DYNC1H1: variants seen among roughly 807,000 people sequenced by gnomAD.
DYNC1H1 encodes dynein cytoplasmic 1 heavy chain 1.
A neutral mutation model predicts 527.1 loss-of-function variants in DYNC1H1; 51 were observed. That is an observed-to-expected ratio of 0.10 (90% CI 0.08 to 0.12). The LOEUF (loss-of-function observed/expected upper bound fraction) is 0.12, where lower values mean the gene tolerates loss of function less well. Among genes scored for constraint, DYNC1H1 ranks in the 10% least tolerant of loss-of-function variants. The pLI, the probability that DYNC1H1 is intolerant of heterozygous loss-of-function variation, is 1.00. For synonymous variants in DYNC1H1, 2,189 were observed against 2,278.8 expected (o/e 0.96, Z 1.12); for missense variants, 2,771 against 5,971.8 (o/e 0.46, Z 17.66).
chr14:102,048,663 G>T lies in DYNC1H1; in HGVS notation c.13366G>T (p.Val4456Leu). The stretch of plus-strand genomic sequence containing the variant: ...CTTGCGCACGCTGATCAACGAGCTA[G>T]TGAAAGGTGCGTGAGAGGCCGAACT... ...NYLRTLINEL[V>L]KGILPRSWSH... Residue 4456 changes from valine (V) to leucine (L), a missense_variant, in exon 74 of 78, where the codon GTG (valine) becomes TTG (leucine). This residue lies in a region of DYNC1H1 where 170 missense variants were observed against 249.8 expected (regional missense o/e 0.68). Coordinates refer to ENST00000360184, the MANE Select transcript of DYNC1H1 (RefSeq NM_001376.5). 6.2e-7 allele frequency: 1 copy of T among 1,613,184 alleles called. No homozygotes were observed. Among genetic ancestry groups the T allele is most frequent in the Non-Finnish European group, 8.5e-7 (1 of 1,180,014 alleles).
rs17541006 is a variant in DYNC1H1 at position 102,002,460 on chromosome 14, C to T, written c.4543-77C>T. The T allele has an allele frequency of 0.021, 33,870 of 1,578,498 alleles. 460 individuals are homozygous for T. Among genetic ancestry groups the T allele is most frequent in the Non-Finnish European group, 0.025 (29,227 of 1,149,676 alleles). On this transcript the variant is annotated intron_variant, in intron 21 of 77. Coordinates refer to ENST00000360184, the MANE Select transcript of DYNC1H1 (RefSeq NM_001376.5). This position sits in a 1 kb window ranked among gnomAD's most constrained non-coding sequence, Gnocchi z 4.4. ...GATTACTTCATGAGATCCTGATCTG[C>T]GCTTTTTCAGTGAGTTTTGGCATAT...
rs3830916 is a variant in DYNC1H1, at chr14:102,030,057, A to AGT, written c.9763-86_9763-85dup. On this transcript the variant is annotated intron_variant, in intron 50 of 77. Transcript: ENST00000360184. ...TAGAGAGAGGGAGGGAGGGAGAGAG[A>AGT]GTGTGTGTGTGTGTGTGTGTTGGCA... 5,715 of 1,517,292 alleles carry AGT rather than the reference A, an allele frequency of 3.8e-3. 17 individuals carry two copies. Among genetic ancestry groups the AGT allele is most frequent in the African/African-American group, 0.027 (1,962 of 72,506 alleles). The allele number at this position is 1,517,292 out of a possible 1,614,324, so 94.0% of individuals were successfully genotyped here. A position where few individuals can be genotyped will look rare whatever the true frequency, so the allele number is the denominator to read the frequency against.
rs1004903 is a variant in DYNC1H1 at position 102,048,678 on chromosome 14, G to A, written c.13372+9G>A. Reference sequence around the variant, plus strand: ...CAACGAGCTAGTGAAAGGTGCGTGAGAGGCCGAACTCGTGGTGTGGCTTCC... The same window carrying A: ...CAACGAGCTAGTGAAAGGTGCGTGAAAGGCCGAACTCGTGGTGTGGCTTCC... On this transcript the variant is annotated intron_variant, in intron 74 of 77. Coordinates refer to ENST00000360184, the MANE Select transcript of DYNC1H1 (RefSeq NM_001376.5). The A allele has an allele frequency of 0.2, 330,358 of 1,611,846 alleles. 38,627 individuals are homozygous for A. Among genetic ancestry groups the A allele is most frequent in the African/African-American group, 0.53 (39,366 of 74,876 alleles).
rs1060502206 is a variant in DYNC1H1, at chr14:101,994,247, C to T, written c.3079C>T (p.Pro1027Ser). Residue 1027 changes from proline to serine, a missense_variant, in exon 12 of 78, where the codon CCT becomes TCT. Coordinates refer to ENST00000360184, the MANE Select transcript of DYNC1H1 (RefSeq NM_001376.5). ...KFYRNALTRM[P>S]DGPVALEESY... ...CTATCGGAATGCTTTAACACGGATG[C>T]CTGATGGCCCTGTTGCCCTGGAAGA... is the stretch of plus-strand genomic sequence containing the variant. 22 of 1,614,058 alleles carry T rather than the reference C, an allele frequency of 1.4e-5. No individual in the cohort carries two copies. The highest frequency in any genetic ancestry group is 3.3e-5 in the Admixed American group (2 of 59,988).
rs980985256 is a variant in DYNC1H1 at position 102,020,131 on chromosome 14, T to C, written c.8507+75T>C. ...TCTTACAGCTGTCGAAGCTGGGGTC[T>C]TTGCAGGGGTGGTCTGCCTAAGTTA... On this transcript the variant is annotated intron_variant, in intron 42 of 77. Coordinates refer to ENST00000360184, the MANE Select transcript of DYNC1H1 (RefSeq NM_001376.5). This position sits in a 1 kb window ranked among gnomAD's most constrained non-coding sequence, Gnocchi z 4.3. 1.9e-6 allele frequency: 3 copies of C among 1,572,080 alleles called. No homozygotes were observed. The highest frequency in any genetic ancestry group is 2.6e-6 in the Non-Finnish European group (3 of 1,157,050).
intron 11 of DYNC1H1, among the ~76,000 whole-genome samples, chr14:101,992,444 A>G (rs1219724517): frequency 6.6e-6 from 1 of 152,080 alleles, no homozygotes; most frequent in Non-Finnish European, 1.5e-5. Flanking sequence ...CCTTAGCATC[A>G]TTCTCATCAT....
Position 102,049,951 on chromosome 14 carries a change from C to G in DYNC1H1, c.13684+69C>G. The G allele has an allele frequency of 6.2e-7, 1 of 1,613,502 alleles. No individual in the cohort carries two copies. ...CTCGGTGGCCTGAGACCATTGTTCC[C>G]AGATACATGCACTTAGGGTGACCGG... On this transcript the variant is annotated intron_variant, in intron 76 of 77. Transcript: ENST00000360184. This position sits in a 1 kb window ranked among gnomAD's most constrained non-coding sequence, Gnocchi z 5.5.
chr14:102,052,863 T>C lies in DYNC1H1; in HGVS notation c.*2300T>C, dbSNP rs2048829957. The C allele has an allele frequency of 6.6e-6, 1 of 152,230 alleles. No homozygotes were observed. Among genetic ancestry groups the C allele is most frequent in the Non-Finnish European group, 1.5e-5 (1 of 68,040 alleles). The allele number at this position is 152,230 out of a possible 1,614,324, so 9.4% of individuals were successfully genotyped here. On this transcript the variant is annotated 3_prime_UTR_variant, in exon 78 of 78. Transcript: ENST00000360184. ...GGGTTTTTTGTGACAGGGCGTCTAC[T>C]ATATGAACTTCCTCTGGACTCTGAC...
At position 102,016,145 on chromosome 14, in the gene DYNC1H1, G is replaced by A. The variant is rs1595617320; in HGVS notation, c.7473+59G>A. The A allele has an allele frequency of 6.4e-7, 1 of 1,551,672 alleles. No individual in the cohort carries two copies. Among genetic ancestry groups the A allele is most frequent in the African/African-American group, 1.4e-5 (1 of 73,172 alleles). On this transcript the variant is annotated intron_variant, in intron 36 of 77. Transcript: ENST00000360184. The surrounding 1 kb of genome is among the most constrained non-coding windows in gnomAD (Gnocchi z 7.3). ...CACTGCGCCAGACCACAGGTCTGAG[G>A]ACCTCTGAAATGCTGCACCTGTGGG...
rs2048876678 is a variant in DYNC1H1 at position 102,056,297 on chromosome 14, A to T, written c.*5734A>T. The stretch of plus-strand genomic sequence containing the variant: ...GAAACCCCTGTCACGTATCCCCCAG[A>T]CTGCTCAATCAATCACGACCCTTTC... On this transcript the variant is annotated 3_prime_UTR_variant, in exon 78 of 78. Transcript: ENST00000360184. 6.6e-6 allele frequency: 1 copy of T among 152,230 alleles called. No individual in the cohort carries two copies. Among genetic ancestry groups the T allele is most frequent in the South Asian group, 2.1e-4 (1 of 4,828 alleles). 9.4% of individuals were successfully genotyped at this position (152,230 alleles called of 1,614,324 possible).
chr14:101,977,908 A>G (rs1212298716), intron 2 of DYNC1H1, among the ~76,000 whole-genome samples: 2 of 151,788 alleles, frequency 1.3e-5, no homozygotes, highest in East Asian at 1.9e-4. Flanking sequence ...TTATTTTGAG[A>G]TGGAGTCTCA....
At position 102,039,110 on chromosome 14, in the gene DYNC1H1, C is replaced by T; in HGVS notation, c.11316C>T (p.Asn3772=). ...ACACGATCATAACCACTCTGGAGAACCTGAAGAGAGAGGCTGCAGAGGTCA... is the reference window on the plus strand; with the variant it reads ...ACACGATCATAACCACTCTGGAGAATCTGAAGAGAGAGGCTGCAGAGGTCA... ...DDDTIITTLE[N]LKREAAEVTR... is the part of the protein sequence containing the mutation. The change falls in exon 60 of 78, where the codon AAC becomes AAT. Residue 3772 remains asparagine, a synonymous_variant. Transcript: ENST00000360184. This position sits in a 1 kb window ranked among gnomAD's most constrained non-coding sequence, Gnocchi z 7.0. 1.2e-6 allele frequency: 2 copies of T among 1,614,182 alleles called. No homozygotes were observed. Among genetic ancestry groups the T allele is most frequent in the Non-Finnish European group, 1.7e-6 (2 of 1,180,030 alleles).
In DYNC1H1 at chr14:101,986,636, T is replaced by C. The variant is rs762024019; in HGVS notation, c.2411T>C (p.Leu804Ser). ...KVEERNTISL[L>S]VAGLKKEVQA... ...GAGGAGCGGAACACCATTTCCCTTT[T>C]GGTGGCTGGCTTGAAAAAGGAAGTG... The change falls in exon 8 of 78, where the codon TTG becomes TCG. Residue 804 changes from leucine (L) to serine (S), a missense_variant. By Grantham distance (145) the Leu-to-Ser change is moderately radical (BLOSUM62 -2). Around this residue, in one of 32 missense-constraint regions of DYNC1H1, gnomAD observed 24 missense variants for 19.0 expected, o/e 1.26. Coordinates refer to ENST00000360184, the MANE Select transcript of DYNC1H1 (RefSeq NM_001376.5). The surrounding 1 kb of genome is among the most constrained non-coding windows in gnomAD (Gnocchi z 8.7). 1 of 1,613,034 alleles carries C rather than the reference T, an allele frequency of 6.2e-7. No individual in the cohort carries two copies. The highest frequency in any genetic ancestry group is 8.5e-7 in the Non-Finnish European group (1 of 1,179,082).
chr14:102,049,801 T>C lies in DYNC1H1; in HGVS notation c.13603T>C (p.Ser4535Pro). 6.2e-7 allele frequency: 1 copy of C among 1,613,828 alleles called. No homozygotes were observed. The highest frequency in any genetic ancestry group is 8.5e-7 in the Non-Finnish European group (1 of 1,180,018). Residue 4535 changes from serine to proline, a missense_variant, in exon 76 of 78, where the codon TCC (serine) becomes CCC (proline). Ser to Pro is a moderately conservative substitution (Grantham distance 74). Transcript: ENST00000360184. This position sits in a 1 kb window ranked among gnomAD's most constrained non-coding sequence, Gnocchi z 5.5. ...GTATGTGGCCCAGGCCAACAGCTGG[T>C]CCCTGGAGGAGCTCTGCCTGGAAGT... ...RQYVAQANSW[S>P]LEELCLEVNV... is the part of the protein sequence containing the mutation.
In DYNC1H1 at chr14:102,015,043, T is replaced by A. The variant is rs905652929; in HGVS notation, c.7015-62T>A. ...TTCAGTGTATATATAGGTAAAAGAA[T>A]CTTAATGTCCAGGTTTCTTCCAAAC... On this transcript the variant is annotated intron_variant, in intron 34 of 77. Coordinates refer to ENST00000360184, the MANE Select transcript of DYNC1H1 (RefSeq NM_001376.5). This position sits in a 1 kb window ranked among gnomAD's most constrained non-coding sequence, Gnocchi z 6.9. The A allele has an allele frequency of 6.3e-7, 1 of 1,584,688 alleles. No individual in the cohort carries two copies. The highest frequency in any genetic ancestry group is 1.3e-5 in the African/African-American group (1 of 74,376).
chr14:102,005,388 C>A lies in DYNC1H1; in HGVS notation c.5433+152C>A. 9.3e-7 allele frequency: 1 copy of A among 1,076,538 alleles called. No homozygotes were observed. Among genetic ancestry groups the A allele is most frequent in the Non-Finnish European group, 1.4e-6 (1 of 707,310 alleles). The allele number at this position is 1,076,538 out of a possible 1,614,324, so 66.7% of individuals were successfully genotyped here. ...ATATCCTCTGAGGGTGGGCATTTGG[C>A]TCCCTGTCCCTGTTGAAAGGTAATC... On this transcript the variant is annotated intron_variant, in intron 26 of 77. Transcript: ENST00000360184. This position sits in a 1 kb window ranked among gnomAD's most constrained non-coding sequence, Gnocchi z 4.0.
intron 11 of DYNC1H1, among the ~76,000 whole-genome samples, chr14:101,992,687 C>T (rs2048011446): frequency 6.6e-6 from 1 of 152,166 alleles, no homozygotes; most frequent in Admixed American, 6.5e-5. Flanking sequence ...CAGCCTCCTC[C>T]AGCACTGCTC....
In DYNC1H1 at chr14:102,006,865, G is replaced by A. The variant is rs989926290; in HGVS notation, c.5717-143G>A. On this transcript the variant is annotated intron_variant, in intron 27 of 77. Transcript: ENST00000360184. ...TCTGCCTGCCTCGGCCTCCCGAAGT[G>A]CTGGGATTACAGGCATGAGCCACCC... 1.8e-5 allele frequency: 15 copies of A among 817,726 alleles called. No homozygotes were observed. The African/African-American group carries it at 2.4e-4, about 13-fold the overall frequency. The allele number at this position is 817,726 out of a possible 1,614,324, so 50.7% of individuals were successfully genotyped here.
At position 102,030,153 on chromosome 14, in the gene DYNC1H1, C is replaced by G. The variant is rs1187789880; in HGVS notation, c.9763-9C>G. 6.2e-7 allele frequency: 1 copy of G among 1,613,974 alleles called. No individual in the cohort carries two copies. The highest frequency in any genetic ancestry group is 8.5e-7 in the Non-Finnish European group (1 of 1,180,038). On this transcript the variant is annotated splice_polypyrimidine_tract_variant and intron_variant, in intron 50 of 77. Coordinates refer to ENST00000360184, the MANE Select transcript of DYNC1H1 (RefSeq NM_001376.5). ...CTTAACCCATACCTAAGCCATCCCTCCTTTCTAGGTTATGAGCCAAGAAAT... is the reference window on the plus strand; with the variant it reads ...CTTAACCCATACCTAAGCCATCCCTGCTTTCTAGGTTATGAGCCAAGAAAT...
Sources: allele counts gnomAD v4.1 joint callset (sites outside exome capture counted in the v4.1 genomes callset), GRCh38; gene constraint gnomAD v4.1.1; regional missense constraint gnomAD v4.1.1; non-coding constraint Gnocchi (gnomAD v3.1); transcripts MANE v1.5; gene names NCBI Gene and HGNC (gene_info 2026-07-23, HGNC 2026-07-21).